Variants in RECK observed in about 807,000 individuals in gnomAD.
RECK encodes the protein reversion inducing cysteine rich protein with kazal motifs.
Under a neutral mutation model 115.1 loss-of-function variants are expected in RECK, and 69 were observed. That is an observed-to-expected ratio of 0.60 (90% confidence interval 0.49 to 0.73). The LOEUF (loss-of-function observed/expected upper bound fraction) is 0.73, where lower values mean the gene tolerates loss of function less well. Among genes scored for constraint, RECK ranks in the 30% least tolerant of loss-of-function variants. The pLI is 0.00. For missense variants in RECK, 1,047 were observed against 1,203.7 expected (o/e 0.87, Z 1.93); for synonymous variants, 414 against 419.7 (o/e 0.99, Z 0.17).
intron 1 of RECK, among the ~76,000 whole-genome samples, chr9:36,047,600 C>CA (rs964057501): frequency 4.0e-4 from 60 of 151,270 alleles, no homozygotes; most frequent in African/African-American, 1.2e-3. Context: ...GCAAGACTCT[C>CA]AAAAAAAACA....
intron 8 of RECK, among the ~76,000 whole-genome samples, chr9:36,086,491 C>T (rs1036663846): frequency 1.3e-5 from 2 of 152,018 alleles, no homozygotes; most frequent in African/African-American, 4.8e-5. Context: ...AAGGTAGTGC[C>T]GACCCAAAGA....
intron 14 of RECK, among the ~76,000 whole-genome samples, chr9:36,109,172 C>T (rs1249531468): frequency 6.6e-6 from 1 of 152,138 alleles, no homozygotes; most frequent in Non-Finnish European, 1.5e-5. Context: ...TAACATTTCA[C>T]TGACTAAATG....
chr9:36,113,648 A>G (rs1254955790), intron 16 of RECK, among the ~76,000 whole-genome samples: 5 of 152,228 alleles, frequency 3.3e-5, no homozygotes, highest in Admixed American at 1.3e-4. Context: ...ATTCAGCTAC[A>G]TGAACCTCAA....
Position 36,120,588 on chromosome 9 carries a change from G to A in RECK, c.2465-75G>A, listed in dbSNP as rs984625070. The A allele has an allele frequency of 3.6e-5, 44 of 1,219,668 alleles. No homozygotes were observed. The African/African-American group carries it at 6.4e-4, about 18-fold the overall frequency. The allele number at this position is 1,219,668 out of a possible 1,614,324, so 75.6% of individuals were successfully genotyped here. A position where few individuals can be genotyped will look rare whatever the true frequency, so the allele number is the denominator to read the frequency against. ...ACTCTCCTGCCCAAAATGAAGGGCTGGACATTTCACTAAGGATTTTAAATT... is the reference window on the plus strand; with the variant it reads ...ACTCTCCTGCCCAAAATGAAGGGCTAGACATTTCACTAAGGATTTTAAATT... On this transcript the variant is annotated intron_variant, in intron 18 of 20. Coordinates refer to ENST00000377966, the MANE Select transcript of RECK (RefSeq NM_021111.3).
intron 16 of RECK, among the ~76,000 whole-genome samples, chr9:36,116,406 C>T (rs1248938708): frequency 6.6e-6 from 1 of 152,144 alleles, no homozygotes; most frequent in Non-Finnish European, 1.5e-5. Flanking sequence ...GCATTACAGG[C>T]GTGAGGCACC....
intron 1 of RECK, among the ~76,000 whole-genome samples, chr9:36,040,640 G>T (rs1021975033): frequency 4.6e-5 from 7 of 151,924 alleles, no homozygotes; most frequent in African/African-American, 1.7e-4. Flanking sequence ...TATTGTAGTG[G>T]GGTAAGAGTA....
intron 1 of RECK, among the ~76,000 whole-genome samples, chr9:36,048,912 T>C (rs1408465): frequency 0.55 from 83,725 of 151,944 alleles, 23,453 homozygotes; most frequent in East Asian, 0.79. Flanking sequence ...ACACTAGCTT[T>C]AGTTCAAGGG....
intron 16 of RECK, among the ~76,000 whole-genome samples, chr9:36,116,140 T>C (rs1564137323): frequency 6.6e-6 from 1 of 151,456 alleles, no homozygotes; most frequent in Non-Finnish European, 1.5e-5. Context: ...TTTTTTTTTT[T>C]TTTTTTAGAC....
At chr9:36,050,069 G>A (rs1821226395) in intron 1 of RECK, among the ~76,000 whole-genome samples, 1 of 152,134 alleles carries the variant, frequency 6.6e-6, no homozygotes, top group South Asian at 2.1e-4. Flanking sequence ...TCAGTTCTCA[G>A]ATCTTGTCCT....
intron 16 of RECK, among the ~76,000 whole-genome samples, chr9:36,112,680 A>T (rs1258487885): frequency 2.0e-5 from 3 of 152,240 alleles, no homozygotes; most frequent in Non-Finnish European, 4.4e-5. Flanking sequence ...CAGTTAATGC[A>T]GCCTGGGGAA....
intron 2 of RECK, among the ~76,000 whole-genome samples, chr9:36,055,026 T>C (rs980521715): frequency 2.0e-5 from 3 of 152,168 alleles, no homozygotes; most frequent in African/African-American, 7.2e-5. Context: ...GAGATAAGTA[T>C]GGGTAAAAAA....
chr9:36,054,683 A>G lies in RECK; in HGVS notation c.159+2360A>G, dbSNP rs146555993. On this transcript the variant is annotated intron_variant, in intron 2 of 20. Coordinates refer to ENST00000377966, the MANE Select transcript of RECK (RefSeq NM_021111.3). ...CTGGAGCAAGGGAGCTAAAAGTCAC[A>G]CTGCAGGCATTAAAAATTTTTTAAT... is the stretch of plus-strand genomic sequence containing the variant. Among the ~76,000 whole-genome samples, 172 of 152,226 alleles carry G rather than the reference A, an allele frequency of 1.1e-3. 1 individual carries two copies. The East Asian group carries it at 0.021, about 18-fold the overall frequency.
intron 7 of RECK, 26 bp downstream of exon 7, chr9:36,080,664 C>A (rs771996147): frequency 3.0e-5 from 48 of 1,601,520 alleles, no homozygotes; most frequent in Non-Finnish European, 3.8e-5. Context: ...AATGGTTGTA[C>A]AAACAGTCCA....
At chr9:36,122,313 C>T (rs1402804334) in intron 20 of RECK, among the ~76,000 whole-genome samples, 1 of 152,152 alleles carries the variant, frequency 6.6e-6, no homozygotes, top group East Asian at 1.9e-4. Flanking sequence ...TTTCAATGGA[C>T]ATTAAAATTG....
intron 2 of RECK, among the ~76,000 whole-genome samples, chr9:36,055,882 TC>T (rs1482708752): frequency 6.6e-6 from 1 of 152,180 alleles, no homozygotes; most frequent in African/African-American, 2.4e-5. Flanking sequence ...AGCATAGCCT[TC>T]CCTGTGCTTT....
chr9:36,116,385 C>G (rs150843757), intron 16 of RECK, among the ~76,000 whole-genome samples: 1 of 152,298 alleles, frequency 6.6e-6, no homozygotes, highest in African/African-American at 2.4e-5. Context: ...CCTCGGCCTT[C>G]CAAAGTGCTA....
chr9:36,051,547 C>T (rs1260509154), intron 1 of RECK, among the ~76,000 whole-genome samples: 1 of 152,186 alleles, frequency 6.6e-6, no homozygotes, highest in Non-Finnish European at 1.5e-5. Context: ...TTCAGTCTAA[C>T]TTGACTCTTG....
At chr9:36,044,027 G>GAATTGCAT (rs1820983125) in intron 1 of RECK, among the ~76,000 whole-genome samples, 3 of 152,038 alleles carry the variant, frequency 2.0e-5, no homozygotes, top group Admixed American at 2.0e-4. Context: ...ATTTTGATGG[G>GAATTGCAT]AATTGCATTG....
chr9:36,091,436 G>A, intron 10 of RECK, 93 bp downstream of exon 10: 4 of 994,590 alleles, frequency 4.0e-6, no homozygotes, highest in Non-Finnish European at 5.6e-6. Context: ...TTCCTGTTGG[G>A]TTAAAAGAAA....
Sources: allele counts gnomAD v4.1 joint callset (sites outside exome capture counted in the v4.1 genomes callset), GRCh38; gene constraint gnomAD v4.1.1; transcripts MANE v1.5; gene names NCBI Gene and HGNC (gene_info 2026-07-23, HGNC 2026-07-21).